Variants in EEFSEC observed in about 807,000 individuals in gnomAD.
EEFSEC encodes eukaryotic elongation factor, selenocysteine-tRNA specific.
In EEFSEC, 43 loss-of-function variants were observed where a neutral mutation model predicts 42.1. That is an observed-to-expected ratio of 1.02 (90% CI 0.80 to 1.32). The LOEUF is 1.32. EEFSEC is among the 40% of genes most tolerant of loss of function. The probability of loss-of-function intolerance (pLI) is 0.00; values close to 1 mark genes in which losing one functional copy is unlikely to be tolerated. For missense variants in EEFSEC, 745 were observed against 803.6 expected, an observed-to-expected ratio of 0.93 and a Z score of 0.88; for synonymous variants, 354 against 339.1, an observed-to-expected ratio of 1.04 and a Z score of -0.48.
intron 1 of EEFSEC, among the ~76,000 whole-genome samples, chr3:128,220,511 G>A (rs1035667961): frequency 6.6e-6 from 1 of 152,136 alleles, no homozygotes; most frequent in African/African-American, 2.4e-5. Context: ...GGTGCGGCTG[G>A]CCTGCTTCCC....
chr3:128,413,473 G>A (rs1225348434), downstream of EEFSEC, among the ~76,000 whole-genome samples: 1 of 152,130 alleles, frequency 6.6e-6, no homozygotes, highest in Non-Finnish European at 1.5e-5. Context: ...TGGCAGTGTG[G>A]CCTGCGGCCC....
intron 4 of EEFSEC, among the ~76,000 whole-genome samples, chr3:128,280,889 C>T (rs2066518873): frequency 1.3e-5 from 2 of 152,246 alleles, no homozygotes; most frequent in Non-Finnish European, 2.9e-5. Context: ...CCACACTCCC[C>T]TCCTCGGAGA....
chr3:128,163,430 T>A (rs1343356266), intron 1 of EEFSEC, among the ~76,000 whole-genome samples: 2 of 152,208 alleles, frequency 1.3e-5, no homozygotes, highest in East Asian at 3.9e-4. Flanking sequence ...TCTCTGTAGG[T>A]CTAGGGCCAA....
intron 1 of EEFSEC, among the ~76,000 whole-genome samples, chr3:128,179,630 C>T (rs551473582): frequency 6.6e-6 from 1 of 152,352 alleles, no homozygotes; most frequent in Admixed American, 6.5e-5. Context: ...AGCTCTCCAA[C>T]TTGCAGCTTG....
intron 6 of EEFSEC, among the ~76,000 whole-genome samples, chr3:128,389,580 C>T (rs1301528172): frequency 6.6e-5 from 10 of 152,252 alleles, no homozygotes; most frequent in Admixed American, 6.5e-4. Context: ...TGAGCCCACG[C>T]TGCTGGGTGA....
intron 5 of EEFSEC, among the ~76,000 whole-genome samples, chr3:128,346,833 AC>A (rs1341854510): frequency 2.0e-5 from 3 of 152,226 alleles, no homozygotes; most frequent in African/African-American, 7.2e-5. Flanking sequence ...TTTGTTGTGA[AC>A]ATTGAAATTT....
chr3:128,217,188 C>T (rs940478614), intron 1 of EEFSEC, among the ~76,000 whole-genome samples: 1 of 152,098 alleles, frequency 6.6e-6, no homozygotes, highest in Admixed American at 6.5e-5. Flanking sequence ...TCTATGCATA[C>T]TTGTTGATCC....
At chr3:128,171,069 G>A (rs971679415) in intron 1 of EEFSEC, among the ~76,000 whole-genome samples, 1 of 152,334 alleles carries the variant, frequency 6.6e-6, no homozygotes, top group Admixed American at 6.5e-5. Context: ...TGTCCACAGG[G>A]CGGTGGGGTG....
intron 4 of EEFSEC, among the ~76,000 whole-genome samples, chr3:128,313,865 C>T (rs111970271): frequency 2.0e-4 from 31 of 152,316 alleles, no homozygotes; most frequent in African/African-American, 6.5e-4. Flanking sequence ...CCCTGACAAC[C>T]CCCTGTCTTG....
At chr3:128,376,170 T>C (rs2067707490) in intron 6 of EEFSEC, among the ~76,000 whole-genome samples, 1 of 152,190 alleles carries the variant, frequency 6.6e-6, no homozygotes, top group Admixed American at 6.5e-5. Flanking sequence ...CACAGGAGCC[T>C]GGGGCATGCA....
intron 1 of EEFSEC, among the ~76,000 whole-genome samples, chr3:128,177,052 G>A (rs1282046412): frequency 4.6e-5 from 7 of 151,270 alleles, no homozygotes; most frequent in South Asian, 2.1e-4. Context: ...GCTGGAGTGC[G>A]GTAGCATGAT....
intron 6 of EEFSEC, among the ~76,000 whole-genome samples, chr3:128,393,256 A>G (rs1233941085): frequency 6.6e-6 from 1 of 152,214 alleles, no homozygotes. Context: ...ACCACCCCCC[A>G]GGCACCTGCA....
At position 128,222,035 on chromosome 3, in the gene EEFSEC, T is replaced by G. The variant is rs867806934; in HGVS notation, c.317-24801T>G. ...GTGTGTTTTTTCAAAGTTTTTTTTT[T>G]TTTTTTTTTTTTTTTTGAGACAGAA... On this transcript the variant is annotated intron_variant, in intron 1 of 6. Transcript: ENST00000254730. Among the ~76,000 whole-genome samples, 3,947 of 143,248 alleles carry G rather than the reference T, an allele frequency of 0.028. 488 individuals carry two copies. In the East Asian group the frequency reaches 0.36, roughly 13 times the overall value. 94.0% of individuals were successfully genotyped at this position (143,248 alleles called of 152,430 possible). A position where few individuals can be genotyped will look rare whatever the true frequency, so the allele number is the denominator to read the frequency against.
chr3:128,408,447 G>T lies in EEFSEC; in HGVS notation c.*188G>T, dbSNP rs1356888934. ...GGGGATGGGTTGCTGGGGCCAGGAG[G>T]GTCTCTCCTCCAGCCCCTGCACACT... On this transcript the variant is annotated 3_prime_UTR_variant, in exon 7 of 7. Transcript: ENST00000254730. 1 of 580,394 alleles carries T rather than the reference G, an allele frequency of 1.7e-6. No homozygotes were observed. The highest frequency in any genetic ancestry group is 2.8e-6 in the Non-Finnish European group (1 of 352,638). The allele number at this position is 580,394 out of a possible 1,614,324, so 36.0% of individuals were successfully genotyped here. A position where few individuals can be genotyped will look rare whatever the true frequency, so the allele number is the denominator to read the frequency against.
chr3:128,364,473 C>A (rs1396153285), intron 6 of EEFSEC, among the ~76,000 whole-genome samples: 2 of 152,208 alleles, frequency 1.3e-5, no homozygotes, highest in Non-Finnish European at 2.9e-5. Flanking sequence ...TCGCTAGAAC[C>A]CTGTGGCCAG....
rs552739475 is a variant in EEFSEC at position 128,185,871 on chromosome 3, T to C, written c.316+32048T>C. On this transcript the variant is annotated intron_variant, in intron 1 of 6. Transcript: ENST00000254730. ...ATAGGCATTTGGATTGTTTTCACTT[T>C]TTGATTATTATGAATAATGCTACCA... is the stretch of plus-strand genomic sequence containing the variant. Among the ~76,000 whole-genome samples the C allele has an allele frequency of 2.6e-5, 4 of 152,358 alleles. No individual in the cohort carries two copies. The East Asian group carries it at 7.7e-4, about 29-fold the overall frequency.
chr3:128,394,013 C>T (rs1163922252), intron 6 of EEFSEC, among the ~76,000 whole-genome samples: 27 of 68,790 alleles, frequency 3.9e-4, no homozygotes, highest in Non-Finnish European at 5.2e-4. Flanking sequence ...GGGGCGGTGG[C>T]GGGGGCGGGG....
At chr3:128,369,919 C>T (rs2067633726) in intron 6 of EEFSEC, among the ~76,000 whole-genome samples, 4 of 152,224 alleles carry the variant, frequency 2.6e-5, no homozygotes, top group Non-Finnish European at 5.9e-5. Context: ...GGACATTCTC[C>T]TGCAGAACCA....
At chr3:128,199,548 G>A (rs541751989) in intron 1 of EEFSEC, among the ~76,000 whole-genome samples, 1 of 152,244 alleles carries the variant, frequency 6.6e-6, no homozygotes, top group African/African-American at 2.4e-5. Flanking sequence ...CATTTAACCA[G>A]TCTTTTAATG....
Sources: allele counts gnomAD v4.1 joint callset (sites outside exome capture counted in the v4.1 genomes callset), GRCh38; gene constraint gnomAD v4.1.1; transcripts MANE v1.5; gene names NCBI Gene and HGNC (gene_info 2026-07-23, HGNC 2026-07-21).